The following ATXN1 variants were observed in gnomAD, a reference collection of about 807,000 sequenced individuals.
ATXN1 encodes ataxin-1.
In ATXN1, 8 loss-of-function variants were observed where a neutral mutation model predicts 56.4. The observed-to-expected ratio is 0.14, with a 90% CI of 0.08 to 0.26. The LOEUF (loss-of-function observed/expected upper bound fraction) is 0.26, where lower values mean the gene tolerates loss of function less well. Ranked by LOEUF, ATXN1 falls within the 10% of genes least tolerant of loss-of-function variation. The pLI is 1.00. For missense variants in ATXN1, 987 were observed against 1,106.5 expected (o/e 0.89, Z 1.53); for synonymous variants, 514 against 494.6 (o/e 1.04, Z -0.52).
chr6:16,689,161 C>T (rs957989539), intron 2 of ATXN1, among the ~76,000 whole-genome samples: 1 of 152,042 alleles, frequency 6.6e-6, no homozygotes, highest in Admixed American at 6.6e-5. Context: ...TTGGATGGAG[C>T]TGGTGAGTCA....
intron 6 of ATXN1, among the ~76,000 whole-genome samples, chr6:16,413,253 T>C (rs1402118122): frequency 1.3e-5 from 2 of 152,132 alleles, no homozygotes; most frequent in Non-Finnish European, 2.9e-5. Flanking sequence ...TAGCACATTA[T>C]GGATGCAGAA....
At chr6:16,444,338 A>T (rs1403592704) in intron 6 of ATXN1, among the ~76,000 whole-genome samples, 1 of 152,204 alleles carries the variant, frequency 6.6e-6, no homozygotes, top group Non-Finnish European at 1.5e-5. Context: ...CAAGAAATGT[A>T]CAAGATGAGC....
Position 16,442,446 on chromosome 6 carries a change from T to C in ATXN1, c.-161+43526A>G, listed in dbSNP as rs1157114283. ...AATATTACATATAGCCAGAACGATA[T>C]AATGACTATGTGCCCTGACAATATA... On this transcript the variant is annotated intron_variant, in intron 6 of 7. Transcript: ENST00000436367. Among the ~76,000 whole-genome samples the C allele has an allele frequency of 2.6e-5, 4 of 151,944 alleles. No homozygotes were observed. In the South Asian group the frequency reaches 8.3e-4, roughly 32 times the overall value.
chr6:16,727,202 CT>C (rs1480730179), intron 2 of ATXN1, among the ~76,000 whole-genome samples: 1 of 152,088 alleles, frequency 6.6e-6, no homozygotes, highest in Non-Finnish European at 1.5e-5. Flanking sequence ...AGTTCAAAAT[CT>C]TTCATAATTG....
At chr6:16,491,315 G>A (rs374292399) in intron 5 of ATXN1, among the ~76,000 whole-genome samples, 12 of 129,778 alleles carry the variant, frequency 9.2e-5, no homozygotes, top group East Asian at 2.2e-4. Flanking sequence ...ACAAGGTTTC[G>A]CTCTTGTTGC....
chr6:16,559,542 G>A (rs1186826517), intron 4 of ATXN1, among the ~76,000 whole-genome samples: 2 of 152,132 alleles, frequency 1.3e-5, no homozygotes, highest in African/African-American at 4.8e-5. Context: ...AATAGTGTAT[G>A]GGGTGTAAAC....
At chr6:16,537,188 T>C (rs554961535) in intron 4 of ATXN1, among the ~76,000 whole-genome samples, 2 of 152,278 alleles carry the variant, frequency 1.3e-5, no homozygotes, top group South Asian at 4.1e-4. Flanking sequence ...TAAGTGTGCA[T>C]CAACCGTCCC....
chr6:16,347,249 C>G (rs1761433953), intron 6 of ATXN1, among the ~76,000 whole-genome samples: 1 of 152,232 alleles, frequency 6.6e-6, no homozygotes, highest in Non-Finnish European at 1.5e-5. Flanking sequence ...GCAGGCAGCT[C>G]CACCTACTGC....
At chr6:16,373,248 G>A (rs1561871379) in intron 6 of ATXN1, among the ~76,000 whole-genome samples, 1 of 152,328 alleles carries the variant, frequency 6.6e-6, no homozygotes, top group South Asian at 2.1e-4. Context: ...CCGTATAAAC[G>A]TCCTGGCCAC....
chr6:16,581,202 T>C (rs1361503190), intron 4 of ATXN1, among the ~76,000 whole-genome samples: 1 of 118,122 alleles, frequency 8.5e-6, no homozygotes, highest in Admixed American at 8.0e-5. Context: ...GCACTGTGTG[T>C]GTGTGTGTGT....
chr6:16,328,555 C>T lies in ATXN1; in HGVS notation c.-160-85G>A, dbSNP rs986549961. On this transcript the variant is annotated intron_variant, in intron 6 of 7. Coordinates refer to ENST00000436367, the MANE Select transcript of ATXN1 (RefSeq NM_001128164.2). This position sits in a 1 kb window ranked among gnomAD's most constrained non-coding sequence, Gnocchi z 6.2. Reference sequence around the variant, plus strand: ...GGGAAAGGACATCAGAACATGAGCACCGGGGAAAGAACATCTTTGGCAAGA... The same window carrying T: ...GGGAAAGGACATCAGAACATGAGCATCGGGGAAAGAACATCTTTGGCAAGA... The T allele has an allele frequency of 1.6e-5, 9 of 556,014 alleles. No individual in the cohort carries two copies. Among genetic ancestry groups the T allele is most frequent in the African/African-American group, 1.5e-4 (8 of 52,428 alleles). The allele number at this position is 556,014 out of a possible 1,614,324, so 34.4% of individuals were successfully genotyped here.
intron 4 of ATXN1, among the ~76,000 whole-genome samples, chr6:16,536,127 G>A (rs1205842911): frequency 6.6e-6 from 1 of 152,094 alleles, no homozygotes; most frequent in African/African-American, 2.4e-5. Context: ...TAAGATGGGA[G>A]GATTGCTTAA....
At chr6:16,592,756 T>C (rs1762745282) in intron 3 of ATXN1, among the ~76,000 whole-genome samples, 1 of 151,632 alleles carries the variant, frequency 6.6e-6, no homozygotes, top group South Asian at 2.1e-4. Flanking sequence ...CTCTTAAAGA[T>C]GGCACAGACC....
intron 4 of ATXN1, among the ~76,000 whole-genome samples, chr6:16,572,333 G>A (rs1212275692): frequency 6.6e-6 from 1 of 152,144 alleles, no homozygotes; most frequent in Non-Finnish European, 1.5e-5. Flanking sequence ...GTATAATGTT[G>A]ACTGAGAAAG....
At chr6:16,711,458 G>A (rs1406088577) in intron 2 of ATXN1, among the ~76,000 whole-genome samples, 4 of 151,678 alleles carry the variant, frequency 2.6e-5, no homozygotes, top group Non-Finnish European at 5.9e-5. Context: ...AATGAAAAAG[G>A]TAAGCCAAAC....
chr6:16,403,862 A>G (rs1758631183), intron 6 of ATXN1, among the ~76,000 whole-genome samples: 1 of 152,138 alleles, frequency 6.6e-6, no homozygotes, highest in South Asian at 2.1e-4. Flanking sequence ...AAGCTTAAAG[A>G]CAATAACATA....
At chr6:16,479,877 C>T (rs1163075573) in intron 6 of ATXN1, among the ~76,000 whole-genome samples, 4 of 152,210 alleles carry the variant, frequency 2.6e-5, no homozygotes, top group Non-Finnish European at 4.4e-5. Context: ...ATGTGCCAGG[C>T]GTAGTGGCTG....
chr6:16,460,888 G>C (rs1181404811), intron 6 of ATXN1, among the ~76,000 whole-genome samples: 1 of 152,222 alleles, frequency 6.6e-6, no homozygotes, highest in African/African-American at 2.4e-5. Flanking sequence ...AAGGAAAAAA[G>C]AATAAATGTG....
chr6:16,731,454 C>CTTTTCT (rs1759978125), intron 2 of ATXN1, among the ~76,000 whole-genome samples: 1 of 81,756 alleles, frequency 1.2e-5, no homozygotes, highest in African/African-American at 3.8e-5. Context: ...TTTTTCTTTT[C>CTTTTCT]TTTTTTTTTT....
Sources: allele counts gnomAD v4.1 joint callset (sites outside exome capture counted in the v4.1 genomes callset), GRCh38; gene constraint gnomAD v4.1.1; non-coding constraint Gnocchi (gnomAD v3.1); transcripts MANE v1.5; gene names NCBI Gene and HGNC (gene_info 2026-07-23, HGNC 2026-07-21).